The following DFFB variants were observed in gnomAD, a reference collection of about 807,000 sequenced individuals.
DFFB encodes the protein DNA fragmentation factor 40 kDa subunit.
A neutral mutation model predicts 32.7 loss-of-function variants in DFFB; 29 were observed. The ratio of observed to expected loss-of-function variants is 0.89; its 90% CI spans 0.66 to 1.21. The LOEUF is 1.21. Among genes scored for constraint, DFFB ranks in the 50% most tolerant of loss-of-function variants. The pLI, the probability that DFFB is intolerant of heterozygous loss-of-function variation, is 0.00. For missense variants in DFFB, 398 were observed against 440.6 expected, an observed-to-expected ratio of 0.90 and a Z score of 0.87; for synonymous variants, 170 against 177.1, an observed-to-expected ratio of 0.96 and a Z score of 0.32.
intron 6 of DFFB, chr1:3,873,163 T>G (rs573081978): frequency 4.3e-6 from 1 of 233,080 alleles, no homozygotes; most frequent in African/African-American, 2.2e-5. Flanking sequence ...CCTGGCTGGC[T>G]TATTTTGTGG....
intron 6 of DFFB, among the ~76,000 whole-genome samples, chr1:3,881,974 G>A (rs530407061): frequency 3.2e-4 from 48 of 152,186 alleles, no homozygotes; most frequent in Non-Finnish European, 5.3e-4. Flanking sequence ...CCTCCTGGCC[G>A]TGGGGTCTCT....
At chr1:3,869,179 C>T (rs770134034) in intron 4 of DFFB, among the ~76,000 whole-genome samples, 13 of 152,250 alleles carry the variant, frequency 8.5e-5, no homozygotes, top group Non-Finnish European at 1.8e-4. Context: ...CCTGCCTCAG[C>T]CTCCCAAGTA....
Position 3,864,030 on chromosome 1 carries a change from G to A in DFFB, c.242-1782G>A, listed in dbSNP as rs146505557. 8.2e-3 allele frequency among the ~76,000 whole-genome samples: 1,249 copies of A among 152,126 alleles called. 5 individuals are homozygous for A. Among genetic ancestry groups the A allele is most frequent in the Non-Finnish European group, 0.014 (927 of 68,000 alleles). On this transcript the variant is annotated intron_variant, in intron 2 of 6. Coordinates refer to ENST00000378209, the MANE Select transcript of DFFB (RefSeq NM_004402.4). ...TCCCCAGGCTGGAGTACAGTGGCGC[G>A]ATCTCGGCTCACTGCAACCTCTGCC...
chr1:3,863,096 C>A lies in DFFB; in HGVS notation c.242-2716C>A, dbSNP rs573350700. Among the ~76,000 whole-genome samples the A allele has an allele frequency of 2.0e-5, 3 of 152,310 alleles. No homozygotes were observed. The East Asian group carries it at 5.8e-4, about 29-fold the overall frequency. On this transcript the variant is annotated intron_variant, in intron 2 of 6. Transcript: ENST00000378209. ...CCGGGGAGGTGGAGGCTGCAGTGAA[C>A]GACAGCCCACAGAATAGGACAAAAT... is the stretch of plus-strand genomic sequence containing the variant.
Position 3,875,570 on chromosome 1 carries a change from A to G in DFFB, c.782+2998A>G, listed in dbSNP as rs1020064042. ...CATTGTACTTTTTTGCATTTTCCCA[A>G]CCCGATAGGTGAGACACAGATTCTC... On this transcript the variant is annotated intron_variant, in intron 6 of 6. Coordinates refer to ENST00000378209, the MANE Select transcript of DFFB (RefSeq NM_004402.4). Among the ~76,000 whole-genome samples, 40 of 152,032 alleles carry G rather than the reference A, an allele frequency of 2.6e-4. 1 individual carries two copies. Among genetic ancestry groups the G allele is most frequent in the Middle Eastern group, 6.8e-3 (2 of 294 alleles).
At chr1:3,866,800 A>C (rs779503625) in intron 3 of DFFB, among the ~76,000 whole-genome samples, 1 of 152,196 alleles carries the variant, frequency 6.6e-6, no homozygotes, top group Non-Finnish European at 1.5e-5. Flanking sequence ...TAGGGACCTC[A>C]TATGAATGCA....
In DFFB at chr1:3,865,999, A is replaced by T; in HGVS notation, c.429A>T (p.Glu143Asp). ...GGGCTGAGGACCCGCCGTGGTTTGA[A>T]GGTGCGTGGGGGCTGCAGCTGGCAG... ...ETRAEDPPWF[E>D]GLESRFQSKS... The change falls in exon 3 of 7, where the codon GAA becomes GAT. Residue 143 changes from glutamate (E) to aspartate (D), a missense_variant and splice_region_variant. Coordinates refer to ENST00000378209, the MANE Select transcript of DFFB (RefSeq NM_004402.4). This position sits in a 1 kb window ranked among gnomAD's most constrained non-coding sequence, Gnocchi z 4.7. 6.4e-7 allele frequency: 1 copy of T among 1,561,380 alleles called. No homozygotes were observed. The highest frequency in any genetic ancestry group is 1.2e-5 in the South Asian group (1 of 82,568).
chr1:3,868,999 C>A (rs904734985), intron 4 of DFFB, among the ~76,000 whole-genome samples: 4 of 152,262 alleles, frequency 2.6e-5, no homozygotes, highest in Non-Finnish European at 2.9e-5. Flanking sequence ...AATGACCAGG[C>A]CCTTCCACGC....
chr1:3,859,263 C>A (rs1465344969), intron 2 of DFFB, among the ~76,000 whole-genome samples: 1 of 151,930 alleles, frequency 6.6e-6, no homozygotes, highest in African/African-American at 2.4e-5. Flanking sequence ...GATGCTCTCA[C>A]ATTGTTCTCG....
In DFFB at chr1:3,883,532, C is replaced by T; in HGVS notation, c.808C>T (p.Pro270Ser). ...HIIEKKRTII[P>S]TLVEAIKEQD... ...AATAGAAAAGAAACGCACCATCATT[C>T]CTACACTGGTGGAAGCAATTAAGGA... The change falls in exon 7 of 7, where the codon CCT (proline) becomes TCT (serine). Residue 270 changes from proline to serine, a missense_variant. Pro to Ser is a moderately conservative substitution (Grantham distance 74). Coordinates refer to ENST00000378209, the MANE Select transcript of DFFB (RefSeq NM_004402.4). 1 of 1,614,180 alleles carries T rather than the reference C, an allele frequency of 6.2e-7. No individual in the cohort carries two copies.
chr1:3,882,685 T>TA (rs1645364402), intron 6 of DFFB, among the ~76,000 whole-genome samples: 1 of 152,114 alleles, frequency 6.6e-6, no homozygotes, highest in Non-Finnish European at 1.5e-5. Flanking sequence ...CTTAAACAGA[T>TA]ACGCATATAT....
intron 4 of DFFB, 90 bp from the exon 5 acceptor site, chr1:3,869,515 C>CA: frequency 7.2e-7 from 1 of 1,381,138 alleles, no homozygotes; most frequent in Admixed American, 2.1e-5. Flanking sequence ...GGCAGGGTCT[C>CA]AGAGGGCCAT....
chr1:3,875,490 C>T (rs1290999578), intron 6 of DFFB, among the ~76,000 whole-genome samples: 1 of 152,204 alleles, frequency 6.6e-6, no homozygotes, highest in Non-Finnish European at 1.5e-5. Context: ...CCAGCCTACA[C>T]ACTCGCCATC....
chr1:3,880,619 G>C (rs1178828854), intron 6 of DFFB, among the ~76,000 whole-genome samples: 1 of 152,172 alleles, frequency 6.6e-6, no homozygotes, highest in African/African-American at 2.4e-5. Flanking sequence ...CCTGGAGCTC[G>C]CTTCAGTGGG....
intron 6 of DFFB, among the ~76,000 whole-genome samples, chr1:3,877,422 A>G (rs1441261815): frequency 7.1e-6 from 1 of 140,666 alleles, no homozygotes; most frequent in African/African-American, 2.7e-5. Flanking sequence ...TCTGCCTCCC[A>G]GGTTCAAGCG....
intron 1 of DFFB, 122 bp downstream of exon 1, chr1:3,857,839 C>T (rs1338580443): frequency 4.5e-6 from 3 of 669,652 alleles, no homozygotes; most frequent in East Asian, 3.4e-5. Context: ...AGTTTTCGTT[C>T]GCCTCAGCCG....
intron 4 of DFFB, among the ~76,000 whole-genome samples, chr1:3,868,588 C>G (rs1057482319): frequency 1.3e-5 from 2 of 151,130 alleles, no homozygotes; most frequent in East Asian, 1.9e-4. Flanking sequence ...TGACATGCCA[C>G]GCTACACCAT....
intron 6 of DFFB, among the ~76,000 whole-genome samples, chr1:3,875,643 T>A (rs1437821093): frequency 6.6e-6 from 1 of 152,218 alleles, no homozygotes; most frequent in Non-Finnish European, 1.5e-5. Context: ...TGAGCTTCTC[T>A]TTCCACGTCT....
In DFFB at chr1:3,857,494, T is replaced by A; in HGVS notation, c.-110T>A. 1 of 704,322 alleles carries A rather than the reference T, an allele frequency of 1.4e-6. No homozygotes were observed. Among genetic ancestry groups the A allele is most frequent in the Non-Finnish European group, 2.2e-6 (1 of 455,776 alleles). 43.6% of individuals were successfully genotyped at this position (704,322 alleles called of 1,614,324 possible). On this transcript the variant is annotated 5_prime_UTR_variant, in exon 1 of 7. Coordinates refer to ENST00000378209, the MANE Select transcript of DFFB (RefSeq NM_004402.4). ...GATCGGCACCCGGCCTGTGCCAGCT[T>A]GCAGAGCTCACCAGGTGCAGACCCC...
Sources: allele counts gnomAD v4.1 joint callset (sites outside exome capture counted in the v4.1 genomes callset), GRCh38; gene constraint gnomAD v4.1.1; non-coding constraint Gnocchi (gnomAD v3.1); transcripts MANE v1.5; gene names NCBI Gene and HGNC (gene_info 2026-07-23, HGNC 2026-07-21).